GRM8: variants seen among roughly 807,000 people sequenced by gnomAD.
The protein encoded by GRM8 is metabotropic glutamate receptor 8.
A neutral mutation model predicts 87.2 loss-of-function variants in GRM8; 47 were observed. That is an observed-to-expected ratio of 0.54 (90% CI 0.43 to 0.69). The LOEUF is 0.69. Among genes scored for constraint, GRM8 ranks in the 30% least tolerant of loss-of-function variants. The probability of loss-of-function intolerance (pLI) is 0.00; values close to 1 mark genes in which losing one functional copy is unlikely to be tolerated. For synonymous variants in GRM8, 396 were observed against 404.5 expected (o/e 0.98, Z 0.25); for missense variants, 1,019 against 1,139.2 (o/e 0.89, Z 1.52).
chr7:126,992,903 G>A (rs1812814003), intron 3 of GRM8, among the ~76,000 whole-genome samples: 1 of 151,840 alleles, frequency 6.6e-6, no homozygotes. Flanking sequence ...CCACCTGCAA[G>A]CTAAGAGAAG....
chr7:126,841,928 G>C (rs111955486), intron 6 of GRM8, among the ~76,000 whole-genome samples: 2 of 151,890 alleles, frequency 1.3e-5, no homozygotes, highest in Non-Finnish European at 2.9e-5. Context: ...CACCGTGACC[G>C]GCCCCAGCCT....
At position 127,051,892 on chromosome 7, in the gene GRM8, G is replaced by A. The variant is rs926770019; in HGVS notation, c.727+54604C>T. Among the ~76,000 whole-genome samples, 11 of 150,160 alleles carry A rather than the reference G, an allele frequency of 7.3e-5. No individual in the cohort carries two copies. In the East Asian group the frequency reaches 2.0e-3, roughly 27 times the overall value. On this transcript the variant is annotated intron_variant, in intron 3 of 10. Coordinates refer to ENST00000339582, the MANE Select transcript of GRM8 (RefSeq NM_000845.3). ...AAATCATAAAGGCATGCATAAGAATGATACATAGCCCTTAGGAAAGAGGAA... is the reference window on the plus strand; with the variant it reads ...AAATCATAAAGGCATGCATAAGAATAATACATAGCCCTTAGGAAAGAGGAA...
At chr7:127,074,586 A>C (rs1228576566) in intron 3 of GRM8, among the ~76,000 whole-genome samples, 1 of 152,196 alleles carries the variant, frequency 6.6e-6, no homozygotes, top group Non-Finnish European at 1.5e-5. Context: ...ATTTGAAATG[A>C]GAAGATGATT....
At chr7:126,704,359 AGG>A (rs1810261335) in intron 7 of GRM8, among the ~76,000 whole-genome samples, 1 of 152,148 alleles carries the variant, frequency 6.6e-6, no homozygotes, top group Non-Finnish European at 1.5e-5. Flanking sequence ...TCATAAATTG[AGG>A]AGGATGTATG....
In GRM8 at chr7:126,955,859, C is replaced by A. The variant is rs566780317; in HGVS notation, c.728-51176G>T. 3.3e-5 allele frequency among the ~76,000 whole-genome samples: 5 copies of A among 152,214 alleles called. No homozygotes were observed. In the South Asian group the frequency reaches 1.0e-3, roughly 32 times the overall value. ...TAATAAGAGAGCCTGACAACTTTGT[C>A]AACTTAATGAGTACACACTGATGTT... On this transcript the variant is annotated intron_variant, in intron 3 of 10. Transcript: ENST00000339582.
chr7:126,869,141 A>C (rs919835313), intron 6 of GRM8: 3 of 152,174 alleles, frequency 2.0e-5, no homozygotes, highest in African/African-American at 7.2e-5. Flanking sequence ...TTCTTTGCTC[A>C]TCCATAAGAA....
chr7:127,230,069 G>A (rs1797585329), intron 2 of GRM8: 1 of 152,156 alleles, frequency 6.6e-6, no homozygotes, highest in Middle Eastern at 3.2e-3. Context: ...GATGGGGAAA[G>A]GGTTGGGGGG....
intron 7 of GRM8, among the ~76,000 whole-genome samples, chr7:126,665,572 T>C (rs1805667662): frequency 1.3e-5 from 2 of 151,844 alleles, no homozygotes; most frequent in South Asian, 4.1e-4. Flanking sequence ...GACATTAAGA[T>C]GAGAACAACA....
intron 2 of GRM8, among the ~76,000 whole-genome samples, chr7:127,205,669 G>C (rs1027567567): frequency 7.9e-5 from 12 of 152,118 alleles, no homozygotes. Context: ...GGGGTCTATG[G>C]CAGGGTAGAG....
chr7:126,921,265 G>A (rs1041513467), intron 3 of GRM8, among the ~76,000 whole-genome samples: 5 of 152,180 alleles, frequency 3.3e-5, no homozygotes, highest in African/African-American at 4.8e-5. Context: ...AAAAGGAGAT[G>A]ATAGAAATAT....
At chr7:126,648,238 T>A (rs1803397668) in intron 7 of GRM8, among the ~76,000 whole-genome samples, 1 of 152,168 alleles carries the variant, frequency 6.6e-6, no homozygotes, top group African/African-American at 2.4e-5. Flanking sequence ...TCTCAAGCCA[T>A]CCCCTATATA....
intron 6 of GRM8, among the ~76,000 whole-genome samples, chr7:126,888,851 T>C (rs1274156831): frequency 6.6e-6 from 1 of 152,072 alleles, no homozygotes; most frequent in Non-Finnish European, 1.5e-5. Flanking sequence ...TAATAAAAAA[T>C]AATAATCATT....
intron 8 of GRM8, among the ~76,000 whole-genome samples, chr7:126,577,393 G>A (rs1380224249): frequency 1.3e-5 from 2 of 152,106 alleles, no homozygotes; most frequent in Non-Finnish European, 2.9e-5. Context: ...ATACCAAATA[G>A]TAGATTATCA....
intron 8 of GRM8, among the ~76,000 whole-genome samples, chr7:126,575,500 A>G (rs1393304881): frequency 1.3e-5 from 2 of 152,066 alleles, no homozygotes; most frequent in Non-Finnish European, 2.9e-5. Context: ...CCCCAAGTCC[A>G]TGGAAAAACT....
At chr7:126,492,369 T>G (rs1352848804) in intron 9 of GRM8, among the ~76,000 whole-genome samples, 1 of 152,030 alleles carries the variant, frequency 6.6e-6, no homozygotes, top group African/African-American at 2.4e-5. Flanking sequence ...ACTGTTTATG[T>G]GCTAGGAACT....
intron 6 of GRM8, among the ~76,000 whole-genome samples, chr7:126,891,358 C>T (rs925135494): frequency 8.6e-5 from 13 of 151,946 alleles, no homozygotes; most frequent in Non-Finnish European, 1.3e-4. Flanking sequence ...TGTTATGCCT[C>T]ACCAATACAT....
At chr7:127,001,567 A>G (rs1813730098) in intron 3 of GRM8, among the ~76,000 whole-genome samples, 1 of 151,690 alleles carries the variant, frequency 6.6e-6, no homozygotes, top group Admixed American at 6.6e-5. Context: ...GAATGGCTAA[A>G]AATTAAAAGG....
chr7:126,903,775 G>GTGTGTATATATATATA (rs759583815), intron 5 of GRM8, among the ~76,000 whole-genome samples, 197 bp downstream of exon 5: 1 of 87,670 alleles, frequency 1.1e-5, no homozygotes, highest in Non-Finnish European at 2.3e-5. Context: ...ATGTGTGTGT[G>GTGTGTATATATATATA]TATATATATA....
intron 9 of GRM8, chr7:126,511,732 A>G (rs889055889): frequency 1.3e-5 from 2 of 152,166 alleles, no homozygotes; most frequent in African/African-American, 4.8e-5. Context: ...ATGTATGGTT[A>G]CTGCTGGAAA....
Sources: gnomAD v4.1 joint callset for allele counts (sites outside exome capture counted in the v4.1 genomes callset) on GRCh38, gnomAD v4.1.1 for gene constraint, MANE v1.5 for transcripts, NCBI Gene and HGNC (gene_info 2026-07-23, HGNC 2026-07-21) for gene names.